The following TOP6BL variants were observed in gnomAD, a reference collection of about 807,000 sequenced individuals.
TOP6BL encodes TOP6B like initiator of meiotic double strand breaks.
chr11:66,777,304 T>C, the TOP6BL span, among the ~76,000 whole-genome samples: 1 of 151,838 alleles, frequency 6.6e-6, no homozygotes, highest in Admixed American at 6.6e-5. Flanking sequence ...AATAGCAGGA[T>C]AGTTTAGTGT....
At chr11:66,824,512 T>C in the TOP6BL span, among the ~76,000 whole-genome samples, 1 of 150,966 alleles carries the variant, frequency 6.6e-6, no homozygotes, top group East Asian at 1.9e-4. Flanking sequence ...TAGTTACATA[T>C]GTATACATGT....
the TOP6BL span, among the ~76,000 whole-genome samples, chr11:66,749,797 C>T: frequency 6.6e-6 from 1 of 152,106 alleles, no homozygotes; most frequent in African/African-American, 2.4e-5. Flanking sequence ...GTCTCAAACT[C>T]CTGACCTCAA....
the TOP6BL span, chr11:66,801,008 C>G: frequency 1.9e-6 from 3 of 1,611,872 alleles, no homozygotes; most frequent in Admixed American, 3.3e-5. Flanking sequence ...TGAGAGATGG[C>G]TTAGCTTTGC....
the TOP6BL span, among the ~76,000 whole-genome samples, chr11:66,785,413 A>G: frequency 1.4e-4 from 21 of 152,272 alleles, no homozygotes; most frequent in African/African-American, 4.8e-4. Context: ...TTCCTTAGGT[A>G]TAAGTGCATT....
the TOP6BL span, among the ~76,000 whole-genome samples, chr11:66,748,888 AAG>A: frequency 6.6e-6 from 1 of 151,306 alleles, no homozygotes; most frequent in African/African-American, 2.4e-5. Flanking sequence ...AAAAAAAAAA[AAG>A]GAAAAATGAT....
At chr11:66,794,535 CA>C in the TOP6BL span, among the ~76,000 whole-genome samples, 1 of 152,074 alleles carries the variant, frequency 6.6e-6, no homozygotes, top group South Asian at 2.1e-4. Context: ...CCAGATCCTG[CA>C]CAATCTTTTA....
the TOP6BL span, among the ~76,000 whole-genome samples, chr11:66,779,179 A>G: frequency 6.6e-6 from 1 of 152,190 alleles, no homozygotes. Context: ...TAATTAAACT[A>G]AAGAGCTTCT....
At chr11:66,771,909 G>A in the TOP6BL span, among the ~76,000 whole-genome samples, 1 of 152,166 alleles carries the variant, frequency 6.6e-6, no homozygotes, top group Non-Finnish European at 1.5e-5. Context: ...CATGGTTCAA[G>A]AAGTAATTTC....
the TOP6BL span, among the ~76,000 whole-genome samples, chr11:66,767,676 T>C: frequency 2.3e-4 from 35 of 152,334 alleles, no homozygotes; most frequent in Admixed American, 5.9e-4. Context: ...TACCAGTCCT[T>C]GTAAACAGGG....
At chr11:66,755,313 G>A in the TOP6BL span, among the ~76,000 whole-genome samples, 2 of 152,052 alleles carry the variant, frequency 1.3e-5, no homozygotes, top group Non-Finnish European at 2.9e-5. Context: ...TAGAAACGGG[G>A]TTTCACTATG....
the TOP6BL span, among the ~76,000 whole-genome samples, chr11:66,747,489 G>T: frequency 2.0e-5 from 3 of 151,808 alleles, no homozygotes; most frequent in Non-Finnish European, 4.4e-5. Context: ...GGGATTACAG[G>T]CATGAGCCAC....
At chr11:66,836,943 C>T in the TOP6BL span, among the ~76,000 whole-genome samples, 1 of 151,636 alleles carries the variant, frequency 6.6e-6, no homozygotes, top group South Asian at 2.1e-4. Context: ...TCATTATCTG[C>T]CTGGCTCAGT....
At chr11:66,761,327 C>G in the TOP6BL span, among the ~76,000 whole-genome samples, 3 of 151,384 alleles carry the variant, frequency 2.0e-5, no homozygotes, top group Non-Finnish European at 4.4e-5. Flanking sequence ...GCCGAGATTG[C>G]GCCACTGCAC....
chr11:66,797,494 A>C, the TOP6BL span, among the ~76,000 whole-genome samples: 1 of 151,972 alleles, frequency 6.6e-6, no homozygotes, highest in East Asian at 1.9e-4. Flanking sequence ...AAGTGACTAT[A>C]AGAACAAATA....
At chr11:66,839,737 T>TA in the TOP6BL span, among the ~76,000 whole-genome samples, 3 of 152,158 alleles carry the variant, frequency 2.0e-5, no homozygotes, top group Non-Finnish European at 4.4e-5. Context: ...ATATGATACA[T>TA]ACAATTCAGT....
chr11:66,822,709 G>T, the TOP6BL span: 3 of 1,452,092 alleles, frequency 2.1e-6, no homozygotes, highest in Non-Finnish European at 2.8e-6. Flanking sequence ...ATGCTTAAAA[G>T]TGCCAGGGTT....
the TOP6BL span, chr11:66,843,074 C>A: frequency 6.3e-7 from 1 of 1,578,034 alleles, no homozygotes; most frequent in East Asian, 2.3e-5. Flanking sequence ...CTGGAGGTAA[C>A]TGGGCGAGGG....
chr11:66,779,926 C>T, the TOP6BL span, among the ~76,000 whole-genome samples: 2 of 148,864 alleles, frequency 1.3e-5, no homozygotes, highest in Middle Eastern at 3.5e-3. Context: ...AACCAAACAC[C>T]GCATGTTCTC....
chr11:66,839,027 G>A, the TOP6BL span: 13 of 424,594 alleles, frequency 3.1e-5, no homozygotes, highest in East Asian at 5.8e-4. Context: ...CACCGCGCCC[G>A]GCCTGGCACC....
Sources: gnomAD v4.1 joint callset for allele counts (sites outside exome capture counted in the v4.1 genomes callset) on GRCh38, gnomAD v4.1.1 for gene constraint, MANE v1.5 for transcripts, NCBI Gene and HGNC (gene_info 2026-07-23, HGNC 2026-07-21) for gene names.